The following COL4A1 variants were observed in gnomAD, a reference collection of about 807,000 sequenced individuals.
The protein encoded by COL4A1 is collagen alpha-1(IV) chain.
A neutral mutation model predicts 216.6 loss-of-function variants in COL4A1; 40 were observed. The ratio of observed to expected loss-of-function variants is 0.18; its 90% confidence interval spans 0.14 to 0.24. COL4A1 has a LOEUF of 0.24. Among genes scored for constraint, COL4A1 ranks in the 10% least tolerant of loss-of-function variants. The pLI is 1.00. For synonymous variants in COL4A1, 839 were observed against 810.7 expected (o/e 1.03, Z -0.59); for missense variants, 1,628 against 2,196.8 (o/e 0.74, Z 5.18).
rs1884766153 is a variant in COL4A1 at position 110,307,060 on chromosome 13, C to A, written c.-33G>T. On this transcript the variant is annotated 5_prime_UTR_variant, in exon 1 of 52. Coordinates refer to ENST00000375820, the MANE Select transcript of COL4A1 (RefSeq NM_001845.6). The surrounding 1 kb of genome is among the most constrained non-coding windows in gnomAD (Gnocchi z 5.0). ...CGCCCGAGGCGGCGAGGGACGGCTGCCCGGCGTGCGGGGGCCGCGGCGGAC... is the reference window on the plus strand; with the variant it reads ...CGCCCGAGGCGGCGAGGGACGGCTGACCGGCGTGCGGGGGCCGCGGCGGAC... 4.9e-6 allele frequency: 7 copies of A among 1,433,332 alleles called. No homozygotes were observed. In the South Asian group the frequency reaches 8.4e-5, roughly 17 times the overall value. 88.8% of individuals were successfully genotyped at this position (1,433,332 alleles called of 1,614,324 possible). A position where few individuals can be genotyped will look rare whatever the true frequency, so the allele number is the denominator to read the frequency against.
At chr13:110,249,525 G>A (rs1430256490) in intron 1 of COL4A1, among the ~76,000 whole-genome samples, 2 of 152,038 alleles carry the variant, frequency 1.3e-5, no homozygotes, top group Non-Finnish European at 2.9e-5. Flanking sequence ...AGACAAACTG[G>A]GTGACTCCAT....
chr13:110,290,774 C>A (rs1390193170), intron 1 of COL4A1, among the ~76,000 whole-genome samples: 1 of 152,228 alleles, frequency 6.6e-6, no homozygotes, highest in Non-Finnish European at 1.5e-5. Context: ...AAATCTATAA[C>A]TGGTTGTGAT....
chr13:110,154,024 G>A (rs938409180), intron 50 of COL4A1, among the ~76,000 whole-genome samples: 15 of 152,042 alleles, frequency 9.9e-5, no homozygotes, highest in African/African-American at 2.7e-4. Context: ...ATGCTTTCCC[G>A]CCAATTTTTT....
intron 1 of COL4A1, among the ~76,000 whole-genome samples, chr13:110,275,296 C>A (rs1883388416): frequency 1.3e-5 from 2 of 152,164 alleles, no homozygotes; most frequent in South Asian, 4.1e-4. Context: ...TTGAAAATAA[C>A]CATATGCAAA....
At chr13:110,238,026 C>A (rs1328740042) in intron 2 of COL4A1, among the ~76,000 whole-genome samples, 1 of 152,202 alleles carries the variant, frequency 6.6e-6, no homozygotes. Context: ...GATAGCAATG[C>A]CATCTTCAAA....
intron 1 of COL4A1, among the ~76,000 whole-genome samples, chr13:110,264,291 C>T (rs777032916): frequency 1.8e-4 from 27 of 152,190 alleles, no homozygotes; most frequent in Non-Finnish European, 3.4e-4. Context: ...TTTCAGCTCT[C>T]AGAACCCTGT....
intron 41 of COL4A1, among the ~76,000 whole-genome samples, chr13:110,172,449 G>A (rs537790581): frequency 1.6e-4 from 25 of 152,334 alleles, no homozygotes; most frequent in African/African-American, 5.5e-4. Context: ...AAAATGACAG[G>A]GGTCTCGCCT....
chr13:110,194,421 G>T (rs764131091), intron 22 of COL4A1, among the ~76,000 whole-genome samples: 11 of 152,122 alleles, frequency 7.2e-5, no homozygotes, highest in Non-Finnish European at 1.2e-4. Flanking sequence ...CCCCTCTAAG[G>T]CAGGACTGTT....
intron 1 of COL4A1, among the ~76,000 whole-genome samples, chr13:110,271,664 G>C (rs988252223): frequency 6.6e-6 from 1 of 152,168 alleles, no homozygotes; most frequent in African/African-American, 2.4e-5. Flanking sequence ...TGACCAGGGC[G>C]ATGTGACAGC....
intron 1 of COL4A1, among the ~76,000 whole-genome samples, chr13:110,276,392 T>C (rs1883432322): frequency 6.6e-6 from 1 of 152,210 alleles, no homozygotes; most frequent in Non-Finnish European, 1.5e-5. Context: ...CAGATGTTCA[T>C]GAGCCTCCTG....
chr13:110,171,135 C>T (rs904399223), intron 41 of COL4A1, among the ~76,000 whole-genome samples: 4 of 152,258 alleles, frequency 2.6e-5, no homozygotes, highest in Non-Finnish European at 5.9e-5. Context: ...TGGGACACTA[C>T]TCAGCCATAG....
Position 110,177,759 on chromosome 13 carries a change from T to C in COL4A1, c.2716+83A>G. On this transcript the variant is annotated intron_variant, in intron 33 of 51. Transcript: ENST00000375820. ...TTTGTAGGCGTCTTAAAGGGAAATA[T>C]GATCTATGACAACTTGAGAATTTCC... is the stretch of plus-strand genomic sequence containing the variant. The C allele has an allele frequency of 2.1e-6, 3 of 1,428,836 alleles. No homozygotes were observed. The South Asian group carries it at 3.4e-5, about 16-fold the overall frequency. The allele number at this position is 1,428,836 out of a possible 1,614,324, so 88.5% of individuals were successfully genotyped here.
At chr13:110,151,622 G>A (rs1876500356) in intron 51 of COL4A1, among the ~76,000 whole-genome samples, 1 of 152,200 alleles carries the variant, frequency 6.6e-6, no homozygotes, top group African/African-American at 2.4e-5. Context: ...ATCTCCAGGG[G>A]TGAGAAGCGC....
At chr13:110,233,456 G>C (rs556412516) in intron 2 of COL4A1, among the ~76,000 whole-genome samples, 2 of 152,148 alleles carry the variant, frequency 1.3e-5, no homozygotes, top group Non-Finnish European at 1.5e-5. Flanking sequence ...AGATACTTTG[G>C]GGGGTGGAAT....
rs1037028872 is a variant in COL4A1 at position 110,211,584 on chromosome 13, G to A, written c.468+63C>T. On this transcript the variant is annotated intron_variant, in intron 8 of 51. Transcript: ENST00000375820. The surrounding 1 kb of genome is among the most constrained non-coding windows in gnomAD (Gnocchi z 4.3). ...TGGTTTAAAGAGAATGTGCTTCTAT[G>A]GCACTTGTTGTAAACAGATTCCCTG... The A allele has an allele frequency of 9.3e-6, 14 of 1,502,584 alleles. No homozygotes were observed. Among genetic ancestry groups the A allele is most frequent in the Non-Finnish European group, 1.3e-5 (14 of 1,095,582 alleles). 93.1% of individuals were successfully genotyped at this position (1,502,584 alleles called of 1,614,324 possible).
chr13:110,300,809 A>G (rs1206060768), intron 1 of COL4A1, among the ~76,000 whole-genome samples: 1 of 152,250 alleles, frequency 6.6e-6, no homozygotes, highest in Non-Finnish European at 1.5e-5. Flanking sequence ...ACAGAAGATG[A>G]GGAGGTTGAA....
intron 37 of COL4A1, 134 bp from the exon 38 acceptor site, chr13:110,174,883 C>T: frequency 1.0e-6 from 1 of 967,940 alleles, no homozygotes; most frequent in Non-Finnish European, 1.7e-6. Context: ...GATTTCTCAT[C>T]AAAGAATCAA....
At chr13:110,221,670 C>T (rs1441993184) in intron 2 of COL4A1, among the ~76,000 whole-genome samples, 1 of 152,208 alleles carries the variant, frequency 6.6e-6, no homozygotes, top group Admixed American at 6.5e-5. Context: ...CAAAGGTCTC[C>T]AGAGGCAACT....
chr13:110,234,536 C>T (rs1325634141), intron 2 of COL4A1, among the ~76,000 whole-genome samples: 4 of 151,708 alleles, frequency 2.6e-5, no homozygotes, highest in Non-Finnish European at 4.4e-5. Context: ...GAGCCGAGAT[C>T]GTGCCACTGT....
Sources: gnomAD v4.1 joint callset for allele counts (sites outside exome capture counted in the v4.1 genomes callset) on GRCh38, gnomAD v4.1.1 for gene constraint, Gnocchi (gnomAD v3.1) non-coding constraint, MANE v1.5 for transcripts, NCBI Gene and HGNC (gene_info 2026-07-23, HGNC 2026-07-21) for gene names.